MKLN1: variants seen among roughly 807,000 people sequenced by gnomAD.
The protein encoded by MKLN1 is muskelin 1.
Under a neutral mutation model 99.0 loss-of-function variants are expected in MKLN1, and 18 were observed. That is an observed-to-expected ratio of 0.18 (90% CI 0.13 to 0.27). The LOEUF is 0.27. MKLN1 is among the 10% of genes least tolerant of loss of function. The pLI is 1.00. For synonymous variants in MKLN1, 288 were observed against 293.2 expected (o/e 0.98, Z 0.18); for missense variants, 621 against 875.9 (o/e 0.71, Z 3.67).
At chr7:131,150,139 G>A (rs1795868567) in intron 2 of MKLN1, among the ~76,000 whole-genome samples, 1 of 151,952 alleles carries the variant, frequency 6.6e-6, no homozygotes, top group South Asian at 2.1e-4. Context: ...ATCCTTTCTA[G>A]TACAAGGCTC....
At chr7:131,155,443 A>C (rs1795949139) in intron 2 of MKLN1, among the ~76,000 whole-genome samples, 1 of 152,214 alleles carries the variant, frequency 6.6e-6, no homozygotes, top group Non-Finnish European at 1.5e-5. Flanking sequence ...TGAATGTATT[A>C]AGATCTGAAT....
At chr7:131,427,049 A>G (rs1206293021) in intron 8 of MKLN1, among the ~76,000 whole-genome samples, 1 of 152,152 alleles carries the variant, frequency 6.6e-6, no homozygotes, top group Non-Finnish European at 1.5e-5. Flanking sequence ...CAACACTGAG[A>G]GTTTTGCAGA....
At chr7:131,406,642 G>A (rs146075476) in intron 6 of MKLN1, among the ~76,000 whole-genome samples, 118 of 151,884 alleles carry the variant, frequency 7.8e-4, no homozygotes, top group African/African-American at 1.4e-3. Context: ...TCCCTGTGCC[G>A]TAAGCCCATC....
At chr7:131,427,575 CAG>C (rs1436419935) in intron 8 of MKLN1, among the ~76,000 whole-genome samples, 2 of 152,010 alleles carry the variant, frequency 1.3e-5, no homozygotes, top group African/African-American at 4.8e-5. Flanking sequence ...TTTTTTGAGA[CAG>C]AGTCTCACAC....
chr7:131,218,240 G>A (rs1797012743), intron 3 of MKLN1, among the ~76,000 whole-genome samples: 1 of 152,142 alleles, frequency 6.6e-6, no homozygotes, highest in Non-Finnish European at 1.5e-5. Flanking sequence ...AGGGGCAATT[G>A]GAAAAGTTAT....
At chr7:131,341,239 A>G (rs1265048201) in intron 1 of MKLN1, among the ~76,000 whole-genome samples, 1 of 151,796 alleles carries the variant, frequency 6.6e-6, no homozygotes, top group East Asian at 1.9e-4. Flanking sequence ...ACTTTAGGGT[A>G]TTAGATTCAT....
intron 8 of MKLN1, among the ~76,000 whole-genome samples, chr7:131,421,274 C>G (rs1055296262): frequency 1.3e-5 from 2 of 152,166 alleles, no homozygotes; most frequent in African/African-American, 2.4e-5. Flanking sequence ...TTCATATACT[C>G]TAAGTATCTA....
At chr7:131,189,215 T>C (rs1167976607) in intron 2 of MKLN1, among the ~76,000 whole-genome samples, 1 of 152,188 alleles carries the variant, frequency 6.6e-6, no homozygotes, top group Middle Eastern at 3.2e-3. Flanking sequence ...GGTGGTAAAA[T>C]TGGTCACTGT....
At chr7:131,265,230 C>T (rs1030726202) in intron 3 of MKLN1, among the ~76,000 whole-genome samples, 2 of 152,150 alleles carry the variant, frequency 1.3e-5, no homozygotes, top group Non-Finnish European at 2.9e-5. Flanking sequence ...AATAGCCCTC[C>T]CAGGGGACTT....
chr7:131,369,087 A>T (rs1461675572), intron 1 of MKLN1, among the ~76,000 whole-genome samples: 1 of 152,108 alleles, frequency 6.6e-6, no homozygotes, highest in Non-Finnish European at 1.5e-5. Flanking sequence ...TGTATCTTGC[A>T]TAGTAGAAAT....
chr7:131,141,312 A>G (rs1795729326), intron 1 of MKLN1, among the ~76,000 whole-genome samples: 1 of 152,176 alleles, frequency 6.6e-6, no homozygotes, highest in Admixed American at 6.5e-5. Flanking sequence ...TTAACTCAGC[A>G]CCTTCTCTCC....
At chr7:131,267,219 G>C (rs578081174) in intron 3 of MKLN1, among the ~76,000 whole-genome samples, 1 of 152,198 alleles carries the variant, frequency 6.6e-6, no homozygotes, top group African/African-American at 2.4e-5. Context: ...TGTAGTCCCA[G>C]CTACTTGGGA....
intron 2 of MKLN1, among the ~76,000 whole-genome samples, chr7:131,143,319 T>C (rs1795765598): frequency 6.6e-6 from 1 of 152,020 alleles, no homozygotes; most frequent in African/African-American, 2.4e-5. Context: ...ATACAAAAAA[T>C]TGCTGGGCAT....
At chr7:131,211,666 TC>T (rs1796908636) in intron 3 of MKLN1, among the ~76,000 whole-genome samples, 1 of 152,120 alleles carries the variant, frequency 6.6e-6, no homozygotes, top group Non-Finnish European at 1.5e-5. Context: ...AACACTATGT[TC>T]CCAAACATTA....
At chr7:131,356,282 T>A (rs1799876650) in intron 1 of MKLN1, among the ~76,000 whole-genome samples, 1 of 152,108 alleles carries the variant, frequency 6.6e-6, no homozygotes, top group African/African-American at 2.4e-5. Context: ...TCTATTAGCC[T>A]GCCTTTCCCT....
intron 3 of MKLN1, among the ~76,000 whole-genome samples, chr7:131,266,446 ATACT>A (rs1456213231): frequency 3.3e-5 from 5 of 152,220 alleles, no homozygotes; most frequent in African/African-American, 4.8e-5. Flanking sequence ...TACACAATAA[ATACT>A]TACTATGTTT....
chr7:131,217,129 C>G (rs1796994319), intron 3 of MKLN1, among the ~76,000 whole-genome samples: 1 of 152,162 alleles, frequency 6.6e-6, no homozygotes, highest in African/African-American at 2.4e-5. Context: ...TATGAATCCC[C>G]TTATATAAAC....
At chr7:131,251,280 CA>C (rs1216700698) in intron 3 of MKLN1, among the ~76,000 whole-genome samples, 1 of 152,142 alleles carries the variant, frequency 6.6e-6, no homozygotes, top group African/African-American at 2.4e-5. Context: ...CTTTGAGCAC[CA>C]AAGATATTAA....
At chr7:131,226,513 C>G (rs116767808) in intron 3 of MKLN1, among the ~76,000 whole-genome samples, 2,259 of 152,296 alleles carry the variant, frequency 0.015, 58 homozygotes, top group African/African-American at 0.052. Flanking sequence ...CCCATCCTAG[C>G]ATGTTTATCT....
Sources: gnomAD v4.1 joint callset for allele counts (sites outside exome capture counted in the v4.1 genomes callset) on GRCh38, gnomAD v4.1.1 for gene constraint, MANE v1.5 for transcripts, NCBI Gene and HGNC (gene_info 2026-07-23, HGNC 2026-07-21) for gene names.